LTK: variants seen among roughly 807,000 people sequenced by gnomAD.
The protein encoded by LTK is leukocyte tyrosine kinase receptor.
A neutral mutation model predicts 101.5 loss-of-function variants in LTK; 117 were observed. The ratio of observed to expected loss-of-function variants is 1.15; its 90% confidence interval spans 0.99 to 1.34. LTK has a LOEUF of 1.34. Among genes scored for constraint, LTK ranks in the 40% most tolerant of loss-of-function variants. The probability of loss-of-function intolerance (pLI) is 0.00; values close to 1 mark genes in which losing one functional copy is unlikely to be tolerated. For missense variants in LTK, 1,252 were observed against 1,164.7 expected, an observed-to-expected ratio of 1.07 and a Z score of -1.09; for synonymous variants, 563 against 494.2, an observed-to-expected ratio of 1.14 and a Z score of -1.85.
intron 12 of LTK, 66 bp downstream of exon 12, chr15:41,505,849 G>C: frequency 6.2e-7 from 1 of 1,600,432 alleles, no homozygotes; most frequent in African/African-American, 1.3e-5. Flanking sequence ...CCTAGCTCTA[G>C]TCATTGTCCT....
At position 41,507,655 on chromosome 15, in the gene LTK, G is replaced by A. The variant is rs1473617912; in HGVS notation, c.1252C>T (p.Leu418=). 2.5e-6 allele frequency: 4 copies of A among 1,612,556 alleles called. No individual in the cohort carries two copies. Among genetic ancestry groups the A allele is most frequent in the Non-Finnish European group, 3.4e-6 (4 of 1,179,504 alleles). ...LAVDNVTCMD[L]HKPPGPLVLM... is the part of the protein sequence containing the mutation. ...ACCAGAGGGCCTGGGGGCTTGTGCA[G>A]GTCTAGGGAGAAAGAGAGACACCTC... The change falls in exon 10 of 20, where the codon CTG becomes TTG. Residue 418 remains leucine (L), a splice_region_variant and synonymous_variant. Transcript: ENST00000263800.
In LTK at chr15:41,504,771, A is replaced by T. The variant is rs1328072086; in HGVS notation, c.2120+2T>A. On this transcript the variant is annotated splice_donor_variant, in intron 17 of 19. Transcript: ENST00000263800. LOFTEE classifies it high-confidence loss of function. ...GGAAGGGGAGGGGAAGGGTGTTATC[A>T]CCAGGAATCTGTCTTGGATGTGAAG... is the stretch of plus-strand genomic sequence containing the variant. 6.2e-7 allele frequency: 1 copy of T among 1,610,904 alleles called. No individual in the cohort carries two copies. The highest frequency in any genetic ancestry group is 8.5e-7 in the Non-Finnish European group (1 of 1,178,928).
intron 13 of LTK, 44 bp from the exon 14 acceptor site, chr15:41,505,574 G>A (rs2051249823): frequency 6.2e-7 from 1 of 1,612,016 alleles, no homozygotes. Context: ...GAGGGAGACG[G>A]AAACCATGTT....
At position 41,511,838 on chromosome 15, in the gene LTK, C is replaced by G. The variant is rs1178353483; in HGVS notation, c.636G>C (p.Gly212=). Residue 212 remains glycine, a synonymous_variant, in exon 5 of 20, where the codon GGG becomes GGC. Transcript: ENST00000263800. The surrounding 1 kb of genome is among the most constrained non-coding windows in gnomAD (Gnocchi z 5.9). ...RRWAGGGGGG[G]GATYVFRVRA... ...GTACCCGGAAAACGTAGGTGGCGCC[C>G]CCGCCACCCCCGCCACCTCCCGCCC... 1 of 1,477,478 alleles carries G rather than the reference C, an allele frequency of 6.8e-7. No homozygotes were observed. Among genetic ancestry groups the G allele is most frequent in the Admixed American group, 2.7e-5 (1 of 36,872 alleles). 91.5% of individuals were successfully genotyped at this position (1,477,478 alleles called of 1,614,324 possible). A position where few individuals can be genotyped will look rare whatever the true frequency, so the allele number is the denominator to read the frequency against.
chr15:41,503,655 T>G lies in LTK; in HGVS notation c.*341A>C. On this transcript the variant is annotated 3_prime_UTR_variant, in exon 20 of 20. Coordinates refer to ENST00000263800, the MANE Select transcript of LTK (RefSeq NM_002344.6). ...AGATCGCTGGAGGATGAGAAGAGCT[T>G]TTTATTAGAAGCATCTGCAGGGTGG... 1 of 587,430 alleles carries G rather than the reference T, an allele frequency of 1.7e-6. No homozygotes were observed. Among genetic ancestry groups the G allele is most frequent in the East Asian group, 4.2e-5 (1 of 23,864 alleles). The allele number at this position is 587,430 out of a possible 1,614,324, so 36.4% of individuals were successfully genotyped here.
rs1034906600 is a variant in LTK, at chr15:41,507,477, C to T, written c.1345+85G>A. 3.8e-6 allele frequency: 6 copies of T among 1,562,456 alleles called. No individual in the cohort carries two copies. In the African/African-American group the frequency reaches 6.8e-5, roughly 18 times the overall value. ...CTGCTGCGGTGAGTGGTCTTGAAGT[C>T]AGCCCCGGGACCCCGCAGAAACCCA... On this transcript the variant is annotated intron_variant, in intron 10 of 19. Transcript: ENST00000263800.
intron 13 of LTK, 47 bp downstream of exon 13, chr15:41,505,666 G>A (rs2051252922): frequency 1.2e-6 from 2 of 1,610,804 alleles, no homozygotes; most frequent in Middle Eastern, 1.7e-4. Context: ...ACTGTTCCCG[G>A]GCATTCCCCT....
chr15:41,508,905 T>C, intron 8 of LTK, 126 bp downstream of exon 8: 1 of 636,880 alleles, frequency 1.6e-6, no homozygotes, highest in South Asian at 2.1e-5. Context: ...CCCTATGCTA[T>C]GCAAGAATCC....
rs779605248 is a variant in LTK, at chr15:41,505,792, G to A, written c.1633-15C>T. The stretch of plus-strand genomic sequence containing the variant: ...TCTGGCAGGGTCTGGGGAGGAAAAG[G>A]GCACAGTTTCTGAGCTGCCCTGCAC... On this transcript the variant is annotated splice_polypyrimidine_tract_variant and intron_variant, in intron 12 of 19. Coordinates refer to ENST00000263800, the MANE Select transcript of LTK (RefSeq NM_002344.6). 6 of 1,613,526 alleles carry A rather than the reference G, an allele frequency of 3.7e-6. No homozygotes were observed. The highest frequency in any genetic ancestry group is 4.2e-6 in the Non-Finnish European group (5 of 1,179,724).
chr15:41,511,147 T>C lies in LTK; in HGVS notation c.997+17A>G, dbSNP rs2140727489. ...CCCTCGGGCCTGCTCAGCTGCCCTCTCCAACGGTGCACCTACCCCTGTAGC... is the reference window on the plus strand; with the variant it reads ...CCCTCGGGCCTGCTCAGCTGCCCTCCCCAACGGTGCACCTACCCCTGTAGC... On this transcript the variant is annotated intron_variant, in intron 7 of 19. Coordinates refer to ENST00000263800, the MANE Select transcript of LTK (RefSeq NM_002344.6). The surrounding 1 kb of genome is among the most constrained non-coding windows in gnomAD (Gnocchi z 5.9). 1.4e-6 allele frequency: 2 copies of C among 1,397,252 alleles called. No homozygotes were observed. The highest frequency in any genetic ancestry group is 1.5e-5 in the African/African-American group (1 of 66,108). The allele number at this position is 1,397,252 out of a possible 1,614,324, so 86.6% of individuals were successfully genotyped here.
Position 41,508,313 on chromosome 15 carries a change from A to C in LTK, c.1097-92T>G. Reference sequence around the variant, plus strand: ...GCTGGGTACAGTGGCACACGCCTATAATCATTGCACTTTGGGAGGCCGTGG... The same window carrying C: ...GCTGGGTACAGTGGCACACGCCTATCATCATTGCACTTTGGGAGGCCGTGG... On this transcript the variant is annotated intron_variant, in intron 8 of 19. Coordinates refer to ENST00000263800, the MANE Select transcript of LTK (RefSeq NM_002344.6). 5 of 1,136,024 alleles carry C rather than the reference A, an allele frequency of 4.4e-6. No individual in the cohort carries two copies. In the South Asian group the frequency reaches 4.8e-5, roughly 11 times the overall value. The allele number at this position is 1,136,024 out of a possible 1,614,324, so 70.4% of individuals were successfully genotyped here. A position where few individuals can be genotyped will look rare whatever the true frequency, so the allele number is the denominator to read the frequency against.
chr15:41,507,048 T>TGG, intron 11 of LTK, 47 bp downstream of exon 11: 1 of 1,531,188 alleles, frequency 6.5e-7, no homozygotes, highest in Non-Finnish European at 8.9e-7. Context: ...GAATCAGAGG[T>TGG]GGGGATTCAG....
At position 41,505,679 on chromosome 15, in the gene LTK, C is replaced by T. The variant is rs185776849; in HGVS notation, c.1697+34G>A. 2.6e-4 allele frequency: 421 copies of T among 1,612,442 alleles called. No homozygotes were observed. The East Asian group carries it at 8.1e-3, about 31-fold the overall frequency. On this transcript the variant is annotated intron_variant, in intron 13 of 19. Transcript: ENST00000263800. ...AAACTGTTCCCGGGCATTCCCCTCC[C>T]GCCTTCCAGCCCTGCCCCTGGTCCC...
intron 18 of LTK, 29 bp from the exon 19 acceptor site, chr15:41,504,461 C>A (rs747620587): frequency 6.2e-7 from 1 of 1,613,892 alleles, no homozygotes. Context: ...TCATGCCCAC[C>A]CATGGTTGTG....
In LTK at chr15:41,511,417, C is replaced by A; in HGVS notation, c.814+5G>T. On this transcript the variant is annotated splice_donor_5th_base_variant and intron_variant, in intron 6 of 19. Coordinates refer to ENST00000263800, the MANE Select transcript of LTK (RefSeq NM_002344.6). This position sits in a 1 kb window ranked among gnomAD's most constrained non-coding sequence, Gnocchi z 5.9. ...CCCGCCTCTCCCCGCGGCCCGCGCC[C>A]TCACCTGCCGCCCCGCCTCTCCCGC... 1.4e-6 allele frequency: 2 copies of A among 1,383,044 alleles called. 1 individual carries two copies. The highest frequency in any genetic ancestry group is 3.3e-5 in the South Asian group (2 of 60,472). The allele number at this position is 1,383,044 out of a possible 1,614,324, so 85.7% of individuals were successfully genotyped here.
In LTK at chr15:41,511,892, C is replaced by A; in HGVS notation, c.582G>T (p.Gly194=). The change falls in exon 5 of 20, where the codon GGG becomes GGT. Residue 194 remains glycine, a synonymous_variant. Coordinates refer to ENST00000263800, the MANE Select transcript of LTK (RefSeq NM_002344.6). The surrounding 1 kb of genome is among the most constrained non-coding windows in gnomAD (Gnocchi z 5.9). ...RAVEEHAAMD[G]SEGVPGSRRW... ...GCCGCGACCCCGGGACCCCTTCGCT[C>A]CCATCCATCGCCGCGTGCTCTTCAA... 6.7e-7 allele frequency: 1 copy of A among 1,485,280 alleles called. No individual in the cohort carries two copies. The allele number at this position is 1,485,280 out of a possible 1,614,324, so 92.0% of individuals were successfully genotyped here.
In LTK at chr15:41,504,522, C is replaced by T; in HGVS notation, c.2239G>A (p.Gly747Ser). 6.2e-7 allele frequency: 1 copy of T among 1,613,476 alleles called. No homozygotes were observed. The change falls in exon 18 of 20, where the codon GGC becomes AGC. Residue 747 changes from glycine to serine, a missense_variant. Physicochemically the swap from Gly to Ser is moderately conservative, Grantham distance 56. Transcript: ENST00000263800. ...TCAACTCACACAGGCCCTGGGCAGCCCCTAGGAGGGTCCATCCGGCCTCCT... is the reference window on the plus strand; with the variant it reads ...TCAACTCACACAGGCCCTGGGCAGCTCCTAGGAGGGTCCATCCGGCCTCCT... ...VGGGRMDPPRGCPGPVYRIMT... is the reference protein window; with the variant it reads ...VGGGRMDPPRSCPGPVYRIMT...
chr15:41,508,751 G>A (rs1449947988), intron 8 of LTK, among the ~76,000 whole-genome samples: 1 of 152,108 alleles, frequency 6.6e-6, no homozygotes, highest in Non-Finnish European at 1.5e-5. Context: ...TCATAGCAAG[G>A]GGGTACTTGA....
intron 12 of LTK, 66 bp from the exon 13 acceptor site, chr15:41,505,843 G>T: frequency 6.2e-7 from 1 of 1,600,328 alleles, no homozygotes; most frequent in Non-Finnish European, 8.6e-7. Context: ...GTTAACCCTA[G>T]CTCTAGTCAT....
Sources: gnomAD v4.1 joint callset for allele counts (sites outside exome capture counted in the v4.1 genomes callset) on GRCh38, gnomAD v4.1.1 for gene constraint, Gnocchi (gnomAD v3.1) non-coding constraint, MANE v1.5 for transcripts, NCBI Gene and HGNC (gene_info 2026-07-23, HGNC 2026-07-21) for gene names.